COBLL1: variants seen among roughly 807,000 people sequenced by gnomAD.
COBLL1 encodes cordon-bleu protein-like 1.
In COBLL1, 50 loss-of-function variants were observed where a neutral mutation model predicts 94.8. The observed-to-expected ratio is 0.53, with a 90% CI of 0.42 to 0.67. The LOEUF is 0.67. Ranked by LOEUF, COBLL1 falls within the 30% of genes least tolerant of loss-of-function variation. COBLL1 has a pLI of 0.00. For missense variants in COBLL1, 1,362 were observed against 1,348.7 expected (o/e 1.01, Z -0.15); for synonymous variants, 448 against 473.8 (o/e 0.95, Z 0.71).
Position 164,818,678 on chromosome 2 carries a change from CAT to C in COBLL1, c.41+22476_41+22477del, listed in dbSNP as rs1210397639. Reference sequence around the variant, plus strand: ...TATAGCGTATATGTACATATGTAAACATATATAGTGTATATGTACTTATGTAA... The same window carrying C: ...TATAGCGTATATGTACATATGTAAACATATAGTGTATATGTACTTATGTAA... On this transcript the variant is annotated intron_variant, in intron 2 of 13. Transcript: ENST00000652658. Among the ~76,000 whole-genome samples the C allele has an allele frequency of 6.1e-5, 9 of 147,828 alleles. No homozygotes were observed. In the South Asian group the frequency reaches 8.4e-4, roughly 14 times the overall value.
rs2105430255 is a variant in COBLL1, at chr2:164,694,946, C to T, written c.2446G>A (p.Asp816Asn). ...HQVPSSVSSP[D>N]DAMVSPLKPA... ...TTCAGAGGACTAACCATGGCATCAT[C>T]AGGTGAGCTCACAGAACTGGGCACT... The change falls in exon 12 of 14, where the codon GAT (aspartate) becomes AAT (asparagine). Residue 816 changes from aspartate (D) to asparagine (N), a missense_variant. Physicochemically the swap from Asp to Asn is conservative, Grantham distance 23. Transcript: ENST00000652658. The T allele has an allele frequency of 6.2e-7, 1 of 1,613,964 alleles. No homozygotes were observed. Among genetic ancestry groups the T allele is most frequent in the Admixed American group, 1.7e-5 (1 of 59,984 alleles).
chr2:164,796,753 T>C (rs1683481908), intron 2 of COBLL1, among the ~76,000 whole-genome samples: 1 of 145,052 alleles, frequency 6.9e-6, no homozygotes, highest in African/African-American at 2.6e-5. Context: ...GGGGGAAGGA[T>C]TGCTGAGGCC....
intron 2 of COBLL1, among the ~76,000 whole-genome samples, chr2:164,815,398 CAA>C (rs66834267): frequency 0.15 from 16,494 of 111,832 alleles, 1,112 homozygotes; most frequent in Admixed American, 0.22. Flanking sequence ...TATCCTATCT[CAA>C]AAAAAAAAAA....
At chr2:164,801,801 C>A (rs1310707195) in intron 2 of COBLL1, among the ~76,000 whole-genome samples, 1 of 152,086 alleles carries the variant, frequency 6.6e-6, no homozygotes, top group Non-Finnish European at 1.5e-5. Context: ...AGAAAGAAAT[C>A]ACACAAGTAA....
chr2:164,682,016 CT>C lies in COBLL1; in HGVS notation c.*3929del, dbSNP rs1308384623. The C allele has an allele frequency of 3.9e-5, 6 of 152,184 alleles. No homozygotes were observed. The highest frequency in any genetic ancestry group is 3.9e-4 in the Admixed American group (6 of 15,268). The allele number at this position is 152,184 out of a possible 1,614,324, so 9.4% of individuals were successfully genotyped here. A position where few individuals can be genotyped will look rare whatever the true frequency, so the allele number is the denominator to read the frequency against. On this transcript the variant is annotated 3_prime_UTR_variant, in exon 14 of 14. Transcript: ENST00000652658. ...CCAACTGAAGATTCAGAACAAATAA[CT>C]TCCTATTCTGGTATCCCTTGAAATC...
intron 2 of COBLL1, among the ~76,000 whole-genome samples, chr2:164,835,797 A>G (rs1683293560): frequency 1.3e-5 from 2 of 152,338 alleles, no homozygotes; most frequent in South Asian, 4.1e-4. Flanking sequence ...TTAAGCCAGT[A>G]ACAAAGTACC....
intron 2 of COBLL1, among the ~76,000 whole-genome samples, chr2:164,754,626 T>C (rs1687299775): frequency 1.3e-5 from 2 of 152,218 alleles, no homozygotes; most frequent in Non-Finnish European, 2.9e-5. Context: ...ACGCTGTACC[T>C]GAGTTTCAGT....
chr2:164,794,964 C>T (rs571653921), intron 2 of COBLL1, among the ~76,000 whole-genome samples: 6 of 152,132 alleles, frequency 3.9e-5, no homozygotes, highest in African/African-American at 1.2e-4. Flanking sequence ...TAAATCAATG[C>T]CAAGAGCAAG....
Position 164,769,590 on chromosome 2 carries a change from G to A in COBLL1, c.42-25715C>T, listed in dbSNP as rs371062741. Among the ~76,000 whole-genome samples the A allele has an allele frequency of 2.1e-4, 32 of 152,304 alleles. No homozygotes were observed. In the South Asian group the frequency reaches 6.4e-3, roughly 31 times the overall value. On this transcript the variant is annotated intron_variant, in intron 2 of 13. Transcript: ENST00000652658. ...TAGGAGTAATTGGGATGGATGCGGT[G>A]GCTCACGCCTGTAACCCCAGCACTT...
chr2:164,796,648 A>T (rs72882432), intron 2 of COBLL1, among the ~76,000 whole-genome samples: 2,245 of 147,076 alleles, frequency 0.015, 25 homozygotes, highest in South Asian at 0.027. Flanking sequence ...CTGTTCAGGC[A>T]ACCAAGCTCC....
intron 2 of COBLL1, among the ~76,000 whole-genome samples, chr2:164,819,239 T>C (rs1314680633): frequency 6.6e-6 from 1 of 152,098 alleles, no homozygotes; most frequent in Admixed American, 6.6e-5. Context: ...GCATAATAAA[T>C]GATAAAACTA....
At chr2:164,667,416 T>G (rs1381801428) in intron 1 of COBLL1, among the ~76,000 whole-genome samples, 1 of 152,242 alleles carries the variant, frequency 6.6e-6, no homozygotes, top group Non-Finnish European at 1.5e-5. Flanking sequence ...GCCTGTTCAC[T>G]GAAGCTTTGA....
downstream of COBLL1, among the ~76,000 whole-genome samples, chr2:164,675,352 G>GA (rs2105389980): frequency 6.6e-6 from 1 of 152,244 alleles, no homozygotes; most frequent in African/African-American, 2.4e-5. Flanking sequence ...TGGATAATCT[G>GA]AAAAAATATT....
intron 2 of COBLL1, among the ~76,000 whole-genome samples, chr2:164,658,172 T>C (rs1398171743): frequency 6.6e-6 from 1 of 152,158 alleles, no homozygotes; most frequent in Non-Finnish European, 1.5e-5. Context: ...TGTTTAAAGA[T>C]GGAAGCGGTC....
intron 7 of COBLL1, among the ~76,000 whole-genome samples, chr2:164,712,871 G>A (rs941316487): frequency 2.6e-5 from 4 of 151,856 alleles, no homozygotes; most frequent in Non-Finnish European, 5.9e-5. Flanking sequence ...AATAAAAGTC[G>A]CCTCATAGAA....
intron 2 of COBLL1, among the ~76,000 whole-genome samples, chr2:164,797,592 T>C (rs754252452): frequency 2.0e-5 from 3 of 152,194 alleles, no homozygotes; most frequent in East Asian, 1.9e-4. Context: ...CAATTCCTTA[T>C]GACCATGTAC....
At chr2:164,671,550 A>C (rs556011381) in intron 1 of COBLL1, among the ~76,000 whole-genome samples, 1 of 152,342 alleles carries the variant, frequency 6.6e-6, no homozygotes, top group East Asian at 1.9e-4. Context: ...AACCAGTTCC[A>C]TGACCCATCC....
At chr2:164,719,273 C>T (rs901757121) in intron 7 of COBLL1, among the ~76,000 whole-genome samples, 4 of 152,046 alleles carry the variant, frequency 2.6e-5, no homozygotes, top group African/African-American at 7.2e-5. Context: ...ATCTTAAATA[C>T]GTCTTCCAGG....
At chr2:164,790,121 C>T (rs1457686044) in intron 2 of COBLL1, among the ~76,000 whole-genome samples, 1 of 152,142 alleles carries the variant, frequency 6.6e-6, no homozygotes, top group East Asian at 1.9e-4. Context: ...GTGGGGCCAC[C>T]ATCTGTGTGG....
Sources: gnomAD v4.1 joint callset for allele counts (sites outside exome capture counted in the v4.1 genomes callset) on GRCh38, gnomAD v4.1.1 for gene constraint, MANE v1.5 for transcripts, NCBI Gene and HGNC (gene_info 2026-07-23, HGNC 2026-07-21) for gene names.